MACROD1: variants seen among roughly 807,000 people sequenced by gnomAD.
MACROD1 encodes mono-ADP ribosylhydrolase 1, also known as ADP-ribose glycohydrolase MACROD1.
In MACROD1, 31 loss-of-function variants were observed where a neutral mutation model predicts 41.4. The ratio of observed to expected loss-of-function variants is 0.75; its 90% CI spans 0.56 to 1.01. The LOEUF is 1.01. Among genes scored for constraint, MACROD1 ranks in the 50% least tolerant of loss-of-function variants. MACROD1 has a pLI of 0.00. For missense variants in MACROD1, 473 were observed against 460.0 expected, an observed-to-expected ratio of 1.03 and a Z score of -0.26; for synonymous variants, 252 against 203.4, an observed-to-expected ratio of 1.24 and a Z score of -2.03.
chr11:64,111,883 C>A (rs950975135), intron 3 of MACROD1, among the ~76,000 whole-genome samples: 1 of 152,300 alleles, frequency 6.6e-6, no homozygotes, highest in Admixed American at 6.5e-5. Flanking sequence ...AGGAGGCTCA[C>A]AGGAGAGTGG....
At chr11:63,999,304 C>T in intron 8 of MACROD1, 27 bp downstream of exon 8, 1 of 1,549,862 alleles carries the variant, frequency 6.5e-7, no homozygotes, top group Non-Finnish European at 8.7e-7. Context: ...GATGCGGACC[C>T]CACCCTCGCC....
intron 3 of MACROD1, among the ~76,000 whole-genome samples, chr11:64,142,261 G>A (rs984842689): frequency 2.0e-5 from 3 of 152,172 alleles, no homozygotes; most frequent in Non-Finnish European, 2.9e-5. Context: ...CAGACATGGT[G>A]GCTCACACCT....
intron 3 of MACROD1, among the ~76,000 whole-genome samples, chr11:64,068,529 T>C (rs552180085): frequency 5.9e-5 from 9 of 152,368 alleles, no homozygotes; most frequent in African/African-American, 1.9e-4. Flanking sequence ...TTGTCTCCCT[T>C]GCACATATTT....
chr11:64,039,750 G>A (rs320143), intron 3 of MACROD1, among the ~76,000 whole-genome samples: 47,681 of 152,154 alleles, frequency 0.31, 8,693 homozygotes, highest in African/African-American at 0.51. Flanking sequence ...GCCGCTCCCC[G>A]GGGCCAGCGG....
At chr11:64,134,513 C>T (rs1047413345) in intron 3 of MACROD1, among the ~76,000 whole-genome samples, 4 of 152,256 alleles carry the variant, frequency 2.6e-5, no homozygotes, top group East Asian at 3.9e-4. Context: ...GCAGCAGCCC[C>T]GCTGAGACTT....
chr11:64,049,539 A>G (rs892278762), intron 3 of MACROD1, among the ~76,000 whole-genome samples: 1 of 152,218 alleles, frequency 6.6e-6, no homozygotes, highest in Non-Finnish European at 1.5e-5. Flanking sequence ...AGCCTCCCCA[A>G]GCGGTCTTGG....
At chr11:64,008,021 C>G (rs1363372882) in intron 4 of MACROD1, among the ~76,000 whole-genome samples, 3 of 152,366 alleles carry the variant, frequency 2.0e-5, no homozygotes, top group African/African-American at 7.2e-5. Context: ...CACGGATTAG[C>G]AGCGGCCGGG....
intron 3 of MACROD1, among the ~76,000 whole-genome samples, chr11:64,085,590 G>T (rs576526939): frequency 1.3e-5 from 2 of 152,200 alleles, no homozygotes; most frequent in African/African-American, 2.4e-5. Context: ...ACCCCAGGCC[G>T]CAGCGTGGGC....
intron 3 of MACROD1, among the ~76,000 whole-genome samples, chr11:64,048,132 C>T (rs1401821642): frequency 2.0e-5 from 3 of 152,194 alleles, no homozygotes; most frequent in African/African-American, 7.2e-5. Context: ...CAGGGCCGGG[C>T]AGGGGCCCTG....
At chr11:64,091,920 T>C (rs976288404) in intron 3 of MACROD1, among the ~76,000 whole-genome samples, 3 of 152,106 alleles carry the variant, frequency 2.0e-5, no homozygotes, top group African/African-American at 7.2e-5. Context: ...TCCCGAGGCC[T>C]CTCTCTGGGG....
At chr11:64,008,704 C>T (rs570288477) in intron 4 of MACROD1, among the ~76,000 whole-genome samples, 132 of 152,228 alleles carry the variant, frequency 8.7e-4, no homozygotes, top group African/African-American at 3.1e-3. Flanking sequence ...TGCTCAGGGC[C>T]GACGGCATGG....
chr11:64,165,230 C>T (rs1053719598), intron 1 of MACROD1, among the ~76,000 whole-genome samples: 6 of 152,226 alleles, frequency 3.9e-5, no homozygotes, highest in African/African-American at 7.2e-5. Context: ...GAGCTGTTCC[C>T]TCAGCCCCAT....
chr11:64,042,174 A>ATGCACACACTCT (rs1232263701), intron 3 of MACROD1, among the ~76,000 whole-genome samples: 6 of 152,110 alleles, frequency 3.9e-5, no homozygotes, highest in African/African-American at 1.4e-4. Context: ...ATGCACCTTC[A>ATGCACACACTCT]TGCACACACT....
intron 3 of MACROD1, among the ~76,000 whole-genome samples, chr11:64,023,076 G>C (rs1943179172): frequency 6.6e-6 from 1 of 151,940 alleles, no homozygotes; most frequent in South Asian, 2.1e-4. Context: ...TGGCCAGGCT[G>C]GTCTCAAATT....
chr11:64,133,046 C>T (rs549142873), intron 3 of MACROD1, among the ~76,000 whole-genome samples: 2 of 152,246 alleles, frequency 1.3e-5, no homozygotes, highest in Admixed American at 1.3e-4. Flanking sequence ...GAGGGAAATG[C>T]ACACCCATGA....
At position 64,036,622 on chromosome 11, in the gene MACROD1, C is replaced by T. The variant is rs1565203586; in HGVS notation, c.518-21341G>A. ...CCTGGGCGCCGCGCTCCCGTCCCCA[C>T]CAGCCGCGTGAGTCACGGTTGGAGC... On this transcript the variant is annotated intron_variant, in intron 3 of 10. Coordinates refer to ENST00000255681, the MANE Select transcript of MACROD1 (RefSeq NM_014067.4). This position sits in a 1 kb window ranked among gnomAD's most constrained non-coding sequence, Gnocchi z 5.6. 6.6e-6 allele frequency among the ~76,000 whole-genome samples: 1 copy of T among 152,220 alleles called. No individual in the cohort carries two copies. The highest frequency in any genetic ancestry group is 1.5e-5 in the Non-Finnish European group (1 of 68,036).
At chr11:64,083,651 G>C (rs768311362) in intron 3 of MACROD1, among the ~76,000 whole-genome samples, 1 of 152,258 alleles carries the variant, frequency 6.6e-6, no homozygotes, top group Non-Finnish European at 1.5e-5. Context: ...GCCGCAGTGA[G>C]ATGCCAACGC....
chr11:64,098,391 GA>G (rs1944615248), intron 3 of MACROD1, among the ~76,000 whole-genome samples: 1 of 152,202 alleles, frequency 6.6e-6, no homozygotes, highest in Non-Finnish European at 1.5e-5. Flanking sequence ...CCCTCAGCCT[GA>G]AATGTTCTTC....
At chr11:64,132,574 G>C (rs942355629) in intron 3 of MACROD1, among the ~76,000 whole-genome samples, 5 of 152,144 alleles carry the variant, frequency 3.3e-5, no homozygotes, top group Non-Finnish European at 5.9e-5. Context: ...CTCGGGGTCT[G>C]GCAGATGGAA....
Sources: gnomAD v4.1 joint callset for allele counts (sites outside exome capture counted in the v4.1 genomes callset) on GRCh38, gnomAD v4.1.1 for gene constraint, Gnocchi (gnomAD v3.1) non-coding constraint, MANE v1.5 for transcripts, NCBI Gene and HGNC (gene_info 2026-07-23, HGNC 2026-07-21) for gene names.